PPFIA2: variants seen among roughly 807,000 people sequenced by gnomAD.
PPFIA2 encodes the protein PPFI scaffold protein A2, also known as liprin-alpha-2.
In PPFIA2, 46 loss-of-function variants were observed where a neutral mutation model predicts 175.5. That is an observed-to-expected ratio of 0.26 (90% CI 0.21 to 0.34). The LOEUF is 0.34. Ranked by LOEUF, PPFIA2 falls within the 10% of genes least tolerant of loss-of-function variation. The pLI, the probability that PPFIA2 is intolerant of heterozygous loss-of-function variation, is 1.00. For missense variants in PPFIA2, 1,179 were observed against 1,506.1 expected, an observed-to-expected ratio of 0.78 and a Z score of 3.60; for synonymous variants, 568 against 511.4, an observed-to-expected ratio of 1.11 and a Z score of -1.49.
chr12:81,722,115 A>AT (rs1269398553), intron 3 of PPFIA2, among the ~76,000 whole-genome samples: 4 of 151,024 alleles, frequency 2.6e-5, no homozygotes, highest in Non-Finnish European at 5.9e-5. Flanking sequence ...CTAAAATAAT[A>AT]TTTTTTATTG....
chr12:81,343,040 G>A lies in PPFIA2; in HGVS notation c.2262+1624C>T, dbSNP rs137916233. On this transcript the variant is annotated intron_variant, in intron 19 of 32. Coordinates refer to ENST00000549396, the MANE Select transcript of PPFIA2 (RefSeq NM_003625.5). ...GAGTTTTGGAATTAGAGAGGGATTT[G>A]AATTCTGATTTTTCTTAAATGTTGA... Among the ~76,000 whole-genome samples, 935 of 151,896 alleles carry A rather than the reference G, an allele frequency of 6.2e-3. 8 individuals carry two copies. The highest frequency in any genetic ancestry group is 0.01 in the Non-Finnish European group (712 of 67,920).
intron 4 of PPFIA2, among the ~76,000 whole-genome samples, chr12:81,530,039 G>A (rs2064296229): frequency 6.6e-6 from 1 of 151,850 alleles, no homozygotes; most frequent in Admixed American, 6.6e-5. Context: ...AGAAGAAAAA[G>A]AACTTTCAAA....
intron 4 of PPFIA2, among the ~76,000 whole-genome samples, chr12:81,524,618 G>T (rs527280166): frequency 6.6e-6 from 1 of 152,298 alleles, no homozygotes; most frequent in East Asian, 1.9e-4. Flanking sequence ...TGTATCTTGA[G>T]TCTCATCCAT....
intron 22 of PPFIA2, among the ~76,000 whole-genome samples, chr12:81,318,033 T>G (rs1446254674): frequency 6.6e-6 from 1 of 151,728 alleles, no homozygotes; most frequent in African/African-American, 2.4e-5. Flanking sequence ...TCTCCTACAG[T>G]CAGCTCAATT....
intron 9 of PPFIA2, among the ~76,000 whole-genome samples, chr12:81,378,782 AG>A (rs1192034433): frequency 6.6e-6 from 1 of 152,192 alleles, no homozygotes; most frequent in Non-Finnish European, 1.5e-5. Context: ...TGAGCACTGA[AG>A]TAGTACATAC....
In PPFIA2 at chr12:81,267,900, A is replaced by G; in HGVS notation, c.3486+12T>C. 1.3e-6 allele frequency: 2 copies of G among 1,580,786 alleles called. No individual in the cohort carries two copies. Among genetic ancestry groups the G allele is most frequent in the South Asian group, 2.3e-5 (2 of 86,466 alleles). ...CCAGAACACATTGAGACTACAGCAG[A>G]AAGTGACTTGCCTGGGTGTTCTGTG... On this transcript the variant is annotated intron_variant, in intron 29 of 32. Transcript: ENST00000549396.
chr12:81,482,395 C>A (rs1368213212), intron 4 of PPFIA2, among the ~76,000 whole-genome samples: 2 of 152,140 alleles, frequency 1.3e-5, no homozygotes, highest in Non-Finnish European at 2.9e-5. Context: ...TGGGTATATA[C>A]CCAAAGGATT....
chr12:81,640,463 A>G (rs2064813977), intron 4 of PPFIA2, among the ~76,000 whole-genome samples: 1 of 152,118 alleles, frequency 6.6e-6, no homozygotes, highest in African/African-American at 2.4e-5. Context: ...AAAATTCCTC[A>G]ATATTTAGTT....
chr12:81,314,688 A>G (rs2051875918), intron 22 of PPFIA2, among the ~76,000 whole-genome samples: 1 of 151,860 alleles, frequency 6.6e-6, no homozygotes, highest in Admixed American at 6.6e-5. Flanking sequence ...AAACTAGTCA[A>G]TTCTGGATTG....
At chr12:81,267,226 A>C (rs1333705560) in intron 29 of PPFIA2, 1 of 577,536 alleles carries the variant, frequency 1.7e-6, no homozygotes. Flanking sequence ...TGAACAGTAG[A>C]GAGACAGTCT....
intron 4 of PPFIA2, among the ~76,000 whole-genome samples, chr12:81,606,311 T>C (rs1323729005): frequency 1.3e-5 from 2 of 152,048 alleles, no homozygotes; most frequent in Non-Finnish European, 2.9e-5. Context: ...GGTATAATGA[T>C]TGATTTTCCT....
chr12:81,466,487 G>A (rs986903933), intron 4 of PPFIA2, among the ~76,000 whole-genome samples: 6 of 152,172 alleles, frequency 3.9e-5, no homozygotes, highest in African/African-American at 1.2e-4. Flanking sequence ...GCAGTCTCAG[G>A]CTGTCTGTCC....
chr12:81,532,728 T>G (rs2064771469), intron 4 of PPFIA2, among the ~76,000 whole-genome samples: 3 of 151,806 alleles, frequency 2.0e-5, no homozygotes, highest in Admixed American at 2.0e-4. Context: ...CTTTTTATTA[T>G]GATTAAATTT....
intron 9 of PPFIA2, among the ~76,000 whole-genome samples, chr12:81,379,062 A>C (rs991960890): frequency 6.6e-6 from 1 of 152,114 alleles, no homozygotes; most frequent in East Asian, 1.9e-4. Context: ...TACATGCAGG[A>C]ATTTTTGCAT....
At chr12:81,433,599 T>C (rs1204825770) in intron 7 of PPFIA2, among the ~76,000 whole-genome samples, 1 of 152,194 alleles carries the variant, frequency 6.6e-6, no homozygotes, top group Middle Eastern at 3.2e-3. Context: ...AAACAACTTG[T>C]TCATTTGATA....
At chr12:81,270,812 A>G (rs1484314080) in intron 28 of PPFIA2, 1 of 152,190 alleles carries the variant, frequency 6.6e-6, no homozygotes, top group East Asian at 1.9e-4. Flanking sequence ...TTAATCAGTA[A>G]CACCCATTAT....
chr12:81,720,766 A>G (rs2153628881), intron 3 of PPFIA2, among the ~76,000 whole-genome samples: 1 of 151,420 alleles, frequency 6.6e-6, no homozygotes, highest in Middle Eastern at 3.4e-3. Context: ...CTGGAATATA[A>G]CTATTGGGTT....
chr12:81,573,884 A>G (rs1286958517), intron 4 of PPFIA2, among the ~76,000 whole-genome samples: 1 of 151,920 alleles, frequency 6.6e-6, no homozygotes, highest in Non-Finnish European at 1.5e-5. Flanking sequence ...GTAACCTAAA[A>G]ACAGCCTAAT....
intron 4 of PPFIA2, among the ~76,000 whole-genome samples, chr12:81,568,884 T>C (rs1020295696): frequency 6.6e-6 from 1 of 152,090 alleles, no homozygotes; most frequent in African/African-American, 2.4e-5. Context: ...CAATTCAGAT[T>C]AATTTCTTCA....
Sources: allele counts gnomAD v4.1 joint callset (sites outside exome capture counted in the v4.1 genomes callset), GRCh38; gene constraint gnomAD v4.1.1; transcripts MANE v1.5; gene names NCBI Gene and HGNC (gene_info 2026-07-23, HGNC 2026-07-21).